PACRG: variants seen among roughly 807,000 people sequenced by gnomAD.
PACRG encodes parkin coregulated gene protein.
A neutral mutation model predicts 29.7 loss-of-function variants in PACRG; 29 were observed. The ratio of observed to expected loss-of-function variants is 0.98; its 90% CI spans 0.73 to 1.33. The LOEUF is 1.33. Ranked by LOEUF, PACRG falls within the 40% of genes most tolerant of loss-of-function variation. The pLI, the probability that PACRG is intolerant of heterozygous loss-of-function variation, is 0.00. For missense variants in PACRG, 279 were observed against 316.2 expected (o/e 0.88, Z 0.89); for synonymous variants, 116 against 118.7 (o/e 0.98, Z 0.15).
chr6:163,056,122 G>A (rs943945456), intron 2 of PACRG, among the ~76,000 whole-genome samples: 2 of 152,196 alleles, frequency 1.3e-5, no homozygotes, highest in African/African-American at 4.8e-5. Flanking sequence ...AAGTGTTGAC[G>A]AGAATGTGGA....
intron 1 of PACRG, among the ~76,000 whole-genome samples, chr6:162,737,194 C>T (rs1002326897): frequency 2.0e-5 from 3 of 152,114 alleles, no homozygotes; most frequent in Admixed American, 2.0e-4. Flanking sequence ...CTTCCCGGAC[C>T]TTGCCTGCTG....
At chr6:162,918,772 T>A (rs1325899786) in intron 2 of PACRG, among the ~76,000 whole-genome samples, 2 of 152,230 alleles carry the variant, frequency 1.3e-5, no homozygotes. Context: ...GCTTGGCCAA[T>A]GACTTAGGAA....
At chr6:162,993,035 A>G (rs1211857274) in intron 2 of PACRG, among the ~76,000 whole-genome samples, 12 of 144,780 alleles carry the variant, frequency 8.3e-5, no homozygotes, top group African/African-American at 2.8e-4. Context: ...TTCAGTTTCC[A>G]TGTAGTTGAG....
chr6:162,856,511 C>T (rs984602517), intron 2 of PACRG, among the ~76,000 whole-genome samples: 1 of 152,068 alleles, frequency 6.6e-6, no homozygotes, highest in Admixed American at 6.5e-5. Flanking sequence ...AGAATCATCC[C>T]GAGTCTCCTG....
In PACRG at chr6:162,735,611, G is replaced by A. The variant is rs112950355; in HGVS notation, c.156+7220G>A. Among the ~76,000 whole-genome samples, 331 of 152,006 alleles carry A rather than the reference G, an allele frequency of 2.2e-3. 1 individual carries two copies. Among genetic ancestry groups the A allele is most frequent in the Non-Finnish European group, 2.8e-3 (190 of 67,974 alleles). On this transcript the variant is annotated intron_variant, in intron 1 of 4. Transcript: ENST00000366888. ...TGATTTGGTTTTTTATTTATTTGTA[G>A]TACTTTTTTCCATCTATATTCTAAA...
At chr6:162,773,098 C>G (rs572737071) in intron 1 of PACRG, among the ~76,000 whole-genome samples, 2 of 152,102 alleles carry the variant, frequency 1.3e-5, no homozygotes, top group East Asian at 1.9e-4. Context: ...TGAAAGCCTA[C>G]TGGAATAGGT....
At chr6:163,063,492 T>A (rs1811265128) in intron 3 of PACRG, among the ~76,000 whole-genome samples, 1 of 152,206 alleles carries the variant, frequency 6.6e-6, no homozygotes, top group Middle Eastern at 3.2e-3. Flanking sequence ...TAGCTCAACA[T>A]AGGGTCATCT....
intron 1 of PACRG, among the ~76,000 whole-genome samples, chr6:162,752,633 T>G (rs1781596335): frequency 6.6e-6 from 1 of 152,224 alleles, no homozygotes; most frequent in Non-Finnish European, 1.5e-5. Context: ...ATAGCATCTA[T>G]GTACTTTAAA....
At chr6:163,217,204 G>C (rs1781396668) in intron 4 of PACRG, among the ~76,000 whole-genome samples, 1 of 152,186 alleles carries the variant, frequency 6.6e-6, no homozygotes, top group Admixed American at 6.5e-5. Flanking sequence ...CAGAAGCTAG[G>C]GGTGCAGCCC....
chr6:163,277,522 C>T (rs1562354860), intron 4 of PACRG, among the ~76,000 whole-genome samples: 1 of 138,638 alleles, frequency 7.2e-6, no homozygotes, highest in African/African-American at 2.7e-5. Context: ...CACACATATA[C>T]ACATATATAC....
At chr6:162,943,058 C>T (rs1409439121) in intron 2 of PACRG, among the ~76,000 whole-genome samples, 3 of 152,168 alleles carry the variant, frequency 2.0e-5, no homozygotes, top group East Asian at 1.9e-4. Context: ...ACATTCCCAC[C>T]ATGGACTTCT....
intron 2 of PACRG, among the ~76,000 whole-genome samples, chr6:162,832,704 A>G (rs142363011): frequency 1.5e-3 from 234 of 152,212 alleles, no homozygotes; most frequent in African/African-American, 5.2e-3. Context: ...TTTTCCCATA[A>G]TGGGAGGAAG....
intron 4 of PACRG, among the ~76,000 whole-genome samples, chr6:163,153,533 G>A (rs921771701): frequency 9.2e-5 from 14 of 152,138 alleles, no homozygotes; most frequent in African/African-American, 2.7e-4. Flanking sequence ...GTGTAGTCAC[G>A]TGAATTCTTG....
chr6:163,041,722 C>T (rs955382782), intron 2 of PACRG, among the ~76,000 whole-genome samples: 36 of 152,110 alleles, frequency 2.4e-4, no homozygotes, highest in Admixed American at 2.1e-3. Flanking sequence ...ACCATATACT[C>T]GAGTATTTTA....
In PACRG at chr6:163,263,611, A is replaced by G. The variant is rs73601576; in HGVS notation, c.614-51216A>G. ...ACATTAGGCAGAATTTTTTTCTGAC[A>G]ATATCTGGAACCAAAGACCCACAGT... On this transcript the variant is annotated intron_variant, in intron 4 of 4. Transcript: ENST00000366888. 5.6e-3 allele frequency among the ~76,000 whole-genome samples: 856 copies of G among 152,312 alleles called. 12 individuals carry two copies. Among genetic ancestry groups the G allele is most frequent in the African/African-American group, 0.019 (797 of 41,574 alleles).
chr6:162,898,134 G>A (rs566596113), intron 2 of PACRG, among the ~76,000 whole-genome samples: 1 of 152,354 alleles, frequency 6.6e-6, no homozygotes, highest in East Asian at 1.9e-4. Context: ...CCACTGAACT[G>A]TAGGCAGCTA....
chr6:163,279,189 A>G (rs1482635886), intron 4 of PACRG, among the ~76,000 whole-genome samples: 7 of 152,184 alleles, frequency 4.6e-5, no homozygotes, highest in African/African-American at 9.6e-5. Flanking sequence ...TTAATTTTGT[A>G]TCTTGAAACT....
At chr6:163,166,402 G>A (rs934444596) in intron 4 of PACRG, 1 of 326,672 alleles carries the variant, frequency 3.1e-6, no homozygotes, top group Non-Finnish European at 6.0e-6. Context: ...ATAAGTAGAC[G>A]AGGGGCAGAT....
intron 2 of PACRG, among the ~76,000 whole-genome samples, chr6:162,958,882 TATAGAGAGAGAGAGAGAGAGAGAGAG>T (rs1209910533): frequency 1.7e-3 from 25 of 15,122 alleles, no homozygotes; most frequent in East Asian, 6.3e-3. Flanking sequence ...TATATATATA[TATAGAGAGAGAGAGAGAGAGAGAGAG>T]AGAGAGAGAG....
Sources: allele counts gnomAD v4.1 joint callset (sites outside exome capture counted in the v4.1 genomes callset), GRCh38; gene constraint gnomAD v4.1.1; transcripts MANE v1.5; gene names NCBI Gene and HGNC (gene_info 2026-07-23, HGNC 2026-07-21).